RAB11FIP3: variants seen among roughly 807,000 people sequenced by gnomAD.
RAB11FIP3 encodes rab11 family-interacting protein 3.
A neutral mutation model predicts 77.8 loss-of-function variants in RAB11FIP3; 17 were observed. The ratio of observed to expected loss-of-function variants is 0.22; its 90% CI spans 0.15 to 0.33. The LOEUF is 0.33. Ranked by LOEUF, RAB11FIP3 falls within the 10% of genes least tolerant of loss-of-function variation. The probability of loss-of-function intolerance (pLI) is 1.00; values close to 1 mark genes in which losing one functional copy is unlikely to be tolerated. For missense variants in RAB11FIP3, 1,005 were observed against 1,011.2 expected (o/e 0.99, Z 0.08); for synonymous variants, 437 against 448.2 (o/e 0.98, Z 0.31).
chr16:445,081 T>C (rs1291537908), intron 1 of RAB11FIP3, among the ~76,000 whole-genome samples: 1 of 122,978 alleles, frequency 8.1e-6, no homozygotes, highest in Non-Finnish European at 1.6e-5. Context: ...ACCACTGCAC[T>C]CCAGCCTGGG....
Position 492,363 on chromosome 16 carries a change from T to C in RAB11FIP3, c.1265+3363T>C, listed in dbSNP as rs111707852. Among the ~76,000 whole-genome samples the C allele has an allele frequency of 9.5e-3, 723 of 76,078 alleles. 50 individuals are homozygous for C. The highest frequency in any genetic ancestry group is 0.053 in the East Asian group (90 of 1,714). The allele number at this position is 76,078 out of a possible 152,430, so 49.9% of individuals were successfully genotyped here. On this transcript the variant is annotated intron_variant, in intron 5 of 13. Coordinates refer to ENST00000262305, the MANE Select transcript of RAB11FIP3 (RefSeq NM_014700.4). ...CAGAAGTGCTCTTTGAAGAGGGTCT[T>C]CCCGGGAGACCCGAGGCCGCCCAGA... is the stretch of plus-strand genomic sequence containing the variant.
At chr16:437,363 T>C (rs1026858730) in intron 1 of RAB11FIP3, among the ~76,000 whole-genome samples, 11 of 151,534 alleles carry the variant, frequency 7.3e-5, no homozygotes, top group African/African-American at 2.7e-4. Context: ...GAGGTCAGGA[T>C]TTCTAGACCA....
Position 488,857 on chromosome 16 carries a change from C to T in RAB11FIP3, c.1122C>T (p.His374=). ...TTTCTGTTTTACTTTGCAGGCCTCA[C>T]CCCCATGGCCAGTCTGTCATCACGG... The part of the protein sequence containing the change: ...GALLLLPGRP[H]PHGQSVITVI... The change falls in exon 5 of 14, where the codon CAC becomes CAT. Residue 374 remains histidine, a synonymous_variant. Transcript: ENST00000262305. 6.2e-7 allele frequency: 1 copy of T among 1,613,712 alleles called. No individual in the cohort carries two copies. Among genetic ancestry groups the T allele is most frequent in the Non-Finnish European group, 8.5e-7 (1 of 1,179,816 alleles).
intron 1 of RAB11FIP3, among the ~76,000 whole-genome samples, chr16:433,488 C>T (rs934614730): frequency 1.3e-5 from 2 of 151,976 alleles, no homozygotes; most frequent in African/African-American, 2.4e-5. Context: ...TACTTGACTT[C>T]ACATAATGAC....
intron 3 of RAB11FIP3, among the ~76,000 whole-genome samples, chr16:478,693 C>T (rs967686357): frequency 6.6e-6 from 1 of 152,184 alleles, no homozygotes; most frequent in Non-Finnish European, 1.5e-5. Context: ...TGGCTGGGCA[C>T]GGTGGCTCAC....
chr16:510,366 G>C (rs1480238339), intron 8 of RAB11FIP3: 4 of 357,310 alleles, frequency 1.1e-5, no homozygotes, highest in Admixed American at 4.4e-5. Flanking sequence ...GGCCCTCTGA[G>C]TGCTGCGGTC....
intron 3 of RAB11FIP3, chr16:477,489 T>C: frequency 3.2e-6 from 1 of 313,440 alleles, no homozygotes; most frequent in Non-Finnish European, 4.6e-6. Context: ...TGCCCCGTCA[T>C]GCCTTCCCCA....
In RAB11FIP3 at chr16:520,747, CAGG is replaced by C. The variant is rs2032649958; in HGVS notation, c.2185_2187del (p.Glu729del). The C allele has an allele frequency of 3.1e-6, 5 of 1,613,738 alleles. No homozygotes were observed. Among genetic ancestry groups the C allele is most frequent in the Non-Finnish European group, 4.2e-6 (5 of 1,180,020 alleles). ...ACAGCTCATGGAGGCGATTCAGAAG[CAGG>C]AGGAGATCAACTTCCGCCTGCAGGA... On this transcript the variant is annotated inframe_deletion, in exon 14 of 14. Coordinates refer to ENST00000262305, the MANE Select transcript of RAB11FIP3 (RefSeq NM_014700.4).
At chr16:440,140 G>A (rs1290892436) in intron 1 of RAB11FIP3, among the ~76,000 whole-genome samples, 2 of 151,990 alleles carry the variant, frequency 1.3e-5, no homozygotes, top group East Asian at 3.9e-4. Context: ...ACCGCGCCCG[G>A]CCTTCTTGGT....
chr16:453,595 T>TG (rs1555500365), intron 1 of RAB11FIP3: 2 of 123,200 alleles, frequency 1.6e-5, no homozygotes, highest in African/African-American at 5.2e-5. Context: ...GGTTTTTTTT[T>TG]TTTTTTTTTT....
At chr16:440,083 G>C (rs963176868) in intron 1 of RAB11FIP3, among the ~76,000 whole-genome samples, 1 of 151,058 alleles carries the variant, frequency 6.6e-6, no homozygotes, top group Non-Finnish European at 1.5e-5. Flanking sequence ...CTCATGATCC[G>C]CCCCCCCCAT....
chr16:459,518 C>A (rs1167261947), intron 1 of RAB11FIP3, among the ~76,000 whole-genome samples: 2 of 151,168 alleles, frequency 1.3e-5, no homozygotes, highest in Non-Finnish European at 2.9e-5. Context: ...CTCACTGCAA[C>A]CTCCGCCTCC....
At chr16:455,721 A>G (rs1460913204) in intron 1 of RAB11FIP3, among the ~76,000 whole-genome samples, 2 of 151,990 alleles carry the variant, frequency 1.3e-5, no homozygotes, top group Non-Finnish European at 2.9e-5. Flanking sequence ...TCAGCCTTCC[A>G]AGTAGCTGGA....
At chr16:447,452 A>AT (rs1178188350) in intron 1 of RAB11FIP3, among the ~76,000 whole-genome samples, 1 of 152,094 alleles carries the variant, frequency 6.6e-6, no homozygotes, top group Non-Finnish European at 1.5e-5. Context: ...ATATATATAT[A>AT]TTGTGGCCGG....
intron 1 of RAB11FIP3, among the ~76,000 whole-genome samples, chr16:457,333 A>G (rs1488604604): frequency 6.6e-6 from 1 of 152,052 alleles, no homozygotes; most frequent in Non-Finnish European, 1.5e-5. Flanking sequence ...TACTGCAGTC[A>G]CCCTGGAGCC....
At chr16:497,179 C>T in intron 6 of RAB11FIP3, 1 of 956,778 alleles carries the variant, frequency 1.0e-6, no homozygotes, top group East Asian at 5.8e-5. Context: ...GGTAGCGAGA[C>T]CCAGTGAGGA....
intron 9 of RAB11FIP3, among the ~76,000 whole-genome samples, chr16:511,526 G>A (rs1596298215): frequency 1.0e-5 from 1 of 99,618 alleles, no homozygotes; most frequent in African/African-American, 4.5e-5. Flanking sequence ...CTGCAGGCCA[G>A]GTAGGAGAAG....
At chr16:436,688 T>G (rs1337175621) in intron 1 of RAB11FIP3, among the ~76,000 whole-genome samples, 1 of 151,978 alleles carries the variant, frequency 6.6e-6, no homozygotes, top group Non-Finnish European at 1.5e-5. Flanking sequence ...TGCCATGTTG[T>G]TAGCCTGCTA....
At chr16:433,881 T>C (rs1054108894) in intron 1 of RAB11FIP3, among the ~76,000 whole-genome samples, 2 of 151,606 alleles carry the variant, frequency 1.3e-5, no homozygotes, top group African/African-American at 2.4e-5. Context: ...AAGTACTCCA[T>C]TGTGTATCTA....
Sources: gnomAD v4.1 joint callset for allele counts (sites outside exome capture counted in the v4.1 genomes callset) on GRCh38, gnomAD v4.1.1 for gene constraint, MANE v1.5 for transcripts, NCBI Gene and HGNC (gene_info 2026-07-23, HGNC 2026-07-21) for gene names.